SLC25A46: variants seen among roughly 807,000 people sequenced by gnomAD.
SLC25A46 encodes mitochondrial outer membrane protein SLC25A46.
A neutral mutation model predicts 44.6 loss-of-function variants in SLC25A46; 39 were observed. That is an observed-to-expected ratio of 0.87 (90% confidence interval 0.68 to 1.14). SLC25A46 has a LOEUF of 1.14. Among genes scored for constraint, SLC25A46 ranks in the 50% most tolerant of loss-of-function variants. The pLI is 0.00. For synonymous variants in SLC25A46, 202 were observed against 185.8 expected, an observed-to-expected ratio of 1.09 and a Z score of -0.71; for missense variants, 547 against 522.7, an observed-to-expected ratio of 1.05 and a Z score of -0.45.
chr5:110,757,333 A>G (rs1255376174), intron 7 of SLC25A46, among the ~76,000 whole-genome samples: 1 of 152,144 alleles, frequency 6.6e-6, no homozygotes, highest in Non-Finnish European at 1.5e-5. Flanking sequence ...CGCTTCAAGT[A>G]CATTTAATTA....
intron 3 of SLC25A46, among the ~76,000 whole-genome samples, chr5:110,744,045 A>G (rs1030986409): frequency 6.6e-5 from 10 of 152,200 alleles, no homozygotes; most frequent in Non-Finnish European, 1.2e-4. Context: ...TATATAATTC[A>G]TTAAAATAAT....
chr5:110,741,766 A>C (rs1799695530), intron 1 of SLC25A46: 2 of 266,332 alleles, frequency 7.5e-6, no homozygotes, highest in East Asian at 1.4e-4. Context: ...TTACAACTTC[A>C]AAACCCTGGG....
At position 110,746,140 on chromosome 5, in the gene SLC25A46, A is replaced by T. The variant is rs543188603; in HGVS notation, c.385-129A>T. 9 of 705,284 alleles carry T rather than the reference A, an allele frequency of 1.3e-5. No homozygotes were observed. In the East Asian group the frequency reaches 2.5e-4, roughly 20 times the overall value. 43.7% of individuals were successfully genotyped at this position (705,284 alleles called of 1,614,324 possible). A position where few individuals can be genotyped will look rare whatever the true frequency, so the allele number is the denominator to read the frequency against. On this transcript the variant is annotated intron_variant, in intron 3 of 7. Coordinates refer to ENST00000355943, the MANE Select transcript of SLC25A46 (RefSeq NM_138773.4). ...AGCACTTTTAAGAGTAATTTTGCTT[A>T]TGTGTAATTTATGTTGACTTTGGAA...
chr5:110,745,799 T>G (rs1799802161), intron 3 of SLC25A46: 1 of 152,684 alleles, frequency 6.5e-6, no homozygotes, highest in African/African-American at 2.4e-5. Flanking sequence ...GTAACAAATA[T>G]ATTATTTTTA....
At chr5:110,742,595 A>G (rs1356975774) in intron 2 of SLC25A46, among the ~76,000 whole-genome samples, 1 of 151,996 alleles carries the variant, frequency 6.6e-6, no homozygotes, top group African/African-American at 2.4e-5. Context: ...TGTGTATTAT[A>G]TATTGTTTCC....
chr5:110,755,516 G>C lies in SLC25A46; in HGVS notation c.615G>C (p.Leu205=). 3 of 1,571,200 alleles carry C rather than the reference G, an allele frequency of 1.9e-6. No homozygotes were observed. The highest frequency in any genetic ancestry group is 2.6e-6 in the Non-Finnish European group (3 of 1,158,782). The change falls in exon 6 of 8, where the codon CTG becomes CTC. Residue 205 remains leucine, a synonymous_variant. Coordinates refer to ENST00000355943, the MANE Select transcript of SLC25A46 (RefSeq NM_138773.4). ...SPKQIGEHLL[L]KSLTYVVAMP... Reference sequence around the variant, plus strand: ...AACAAATAGGAGAACACCTTCTACTGAAATCGTAAGTATCAAAAAATGGCA... The same window carrying C: ...AACAAATAGGAGAACACCTTCTACTCAAATCGTAAGTATCAAAAAATGGCA...
rs190296708 is a variant in SLC25A46, at chr5:110,763,112, G to A, written c.*1330G>A. 20 of 152,010 alleles carry A rather than the reference G, an allele frequency of 1.3e-4. No homozygotes were observed. The highest frequency in any genetic ancestry group is 3.6e-4 in the African/African-American group (15 of 41,522). The allele number at this position is 152,010 out of a possible 1,614,324, so 9.4% of individuals were successfully genotyped here. A position where few individuals can be genotyped will look rare whatever the true frequency, so the allele number is the denominator to read the frequency against. The stretch of plus-strand genomic sequence containing the variant: ...TAATTTGGTGGGTTAAGCACTTTGT[G>A]TAGTAAAATGATATGTGTCTGCTCT... On this transcript the variant is annotated 3_prime_UTR_variant, in exon 8 of 8. Coordinates refer to ENST00000355943, the MANE Select transcript of SLC25A46 (RefSeq NM_138773.4).
chr5:110,742,884 A>G (rs1402301892), intron 2 of SLC25A46, among the ~76,000 whole-genome samples: 1 of 152,078 alleles, frequency 6.6e-6, no homozygotes, highest in Non-Finnish European at 1.5e-5. Flanking sequence ...TACCATTTTC[A>G]AAAATATTGG....
intron 7 of SLC25A46, among the ~76,000 whole-genome samples, chr5:110,757,374 CTG>C (rs1800143941): frequency 6.6e-6 from 1 of 152,100 alleles, no homozygotes; most frequent in Admixed American, 6.6e-5. Flanking sequence ...ACACTTAAAA[CTG>C]TAAGATGAAG....
intron 5 of SLC25A46, 120 bp from the exon 6 acceptor site, chr5:110,755,345 A>C (rs1348590172): frequency 1.6e-6 from 1 of 638,242 alleles, no homozygotes; most frequent in African/African-American, 1.9e-5. Flanking sequence ...CCATTAGAAT[A>C]TATTTCTCCT....
Position 110,742,039 on chromosome 5 carries a change from T to A in SLC25A46, c.284-8T>A. The A allele has an allele frequency of 6.5e-7, 1 of 1,549,656 alleles. No homozygotes were observed. The highest frequency in any genetic ancestry group is 8.8e-7 in the Non-Finnish European group (1 of 1,139,012). The stretch of plus-strand genomic sequence containing the variant: ...TTATTTTTTTATTTCTATTTTTTTT[T>A]ACTTTAGAACAGCTGAATAGATTTG... On this transcript the variant is annotated splice_polypyrimidine_tract_variant and splice_region_variant and intron_variant, in intron 1 of 7. Transcript: ENST00000355943.
intron 5 of SLC25A46, among the ~76,000 whole-genome samples, chr5:110,750,993 G>C (rs1157180200): frequency 6.6e-6 from 1 of 152,186 alleles, no homozygotes; most frequent in Non-Finnish European, 1.5e-5. Flanking sequence ...TCAGTAGACA[G>C]ACATGTCAAC....
intron 3 of SLC25A46, among the ~76,000 whole-genome samples, chr5:110,744,605 T>C (rs1218847601): frequency 1.3e-5 from 2 of 152,250 alleles, no homozygotes; most frequent in Non-Finnish European, 2.9e-5. Flanking sequence ...TTGTCAGCTC[T>C]TGACGATGCA....
chr5:110,746,350 A>G lies in SLC25A46; in HGVS notation c.462+4A>G. 6.4e-7 allele frequency: 1 copy of G among 1,570,942 alleles called. No individual in the cohort carries two copies. Among genetic ancestry groups the G allele is most frequent in the Non-Finnish European group, 8.6e-7 (1 of 1,160,484 alleles). ...GTACAGTTTCAACAAAACTCAGGTG[A>G]GAATTTTGTCTGGATTCTATTAAAG... On this transcript the variant is annotated splice_donor_region_variant and intron_variant, in intron 4 of 7. Transcript: ENST00000355943.
At chr5:110,738,966 CT>C, upstream of SLC25A46, 1 of 1,448,168 alleles carries the variant, frequency 6.9e-7, no homozygotes, top group Non-Finnish European at 9.0e-7. Flanking sequence ...TAATCACGTG[CT>C]CCGAAGACTT....
chr5:110,740,996 G>T (rs1418114562), intron 1 of SLC25A46, among the ~76,000 whole-genome samples: 1 of 152,154 alleles, frequency 6.6e-6, no homozygotes, highest in Non-Finnish European at 1.5e-5. Flanking sequence ...AGTACCGTAG[G>T]TGGGTAAAAG....
chr5:110,740,598 A>T (rs1020600905), intron 1 of SLC25A46, among the ~76,000 whole-genome samples: 11 of 152,126 alleles, frequency 7.2e-5, no homozygotes, highest in Non-Finnish European at 4.4e-5. Context: ...AACCTTCCTA[A>T]CACCTTCCAG....
Position 110,743,623 on chromosome 5 carries a change from A to G in SLC25A46, c.327-107A>G, listed in dbSNP as rs1580856592. ...TAATTTGTTTAAGAATGGAAAACATAAAATAATGCATGATTCTTCAGGCAA... is the reference window on the plus strand; with the variant it reads ...TAATTTGTTTAAGAATGGAAAACATGAAATAATGCATGATTCTTCAGGCAA... On this transcript the variant is annotated intron_variant, in intron 2 of 7. Transcript: ENST00000355943. 12 of 562,792 alleles carry G rather than the reference A, an allele frequency of 2.1e-5. No individual in the cohort carries two copies. In the East Asian group the frequency reaches 3.9e-4, roughly 19 times the overall value. The allele number at this position is 562,792 out of a possible 1,614,324, so 34.9% of individuals were successfully genotyped here. A position where few individuals can be genotyped will look rare whatever the true frequency, so the allele number is the denominator to read the frequency against.
intron 5 of SLC25A46, chr5:110,754,484 C>G (rs1411921313): frequency 6.9e-6 from 1 of 144,610 alleles, no homozygotes; most frequent in East Asian, 2.0e-4. Flanking sequence ...ACCTTTGGTT[C>G]TATTTCATTT....
Sources: allele counts gnomAD v4.1 joint callset (sites outside exome capture counted in the v4.1 genomes callset), GRCh38; gene constraint gnomAD v4.1.1; transcripts MANE v1.5; gene names NCBI Gene and HGNC (gene_info 2026-07-23, HGNC 2026-07-21).